ABCD2: variants seen among roughly 807,000 people sequenced by gnomAD.
ABCD2 encodes the protein ATP-binding cassette sub-family D member 2.
Under a neutral mutation model 70.9 loss-of-function variants are expected in ABCD2, and 36 were observed. The observed-to-expected ratio is 0.51, with a 90% CI of 0.39 to 0.67. The LOEUF (loss-of-function observed/expected upper bound fraction) is 0.67, where lower values mean the gene tolerates loss of function less well. Among genes scored for constraint, ABCD2 ranks in the 30% least tolerant of loss-of-function variants. The pLI is 0.00. For synonymous variants in ABCD2, 304 were observed against 306.9 expected (o/e 0.99, Z 0.10); for missense variants, 729 against 890.2 (o/e 0.82, Z 2.30).
chr12:39,549,172 G>C (rs1487312811), downstream of ABCD2, among the ~76,000 whole-genome samples: 1 of 151,880 alleles, frequency 6.6e-6, no homozygotes, highest in African/African-American at 2.4e-5. Context: ...CCTAAGGACT[G>C]GTTTTGTTGG....
chr12:39,608,975 T>C (rs1441448664), intron 2 of ABCD2, among the ~76,000 whole-genome samples: 2 of 152,218 alleles, frequency 1.3e-5, no homozygotes, highest in Non-Finnish European at 2.9e-5. Context: ...TAATATACTT[T>C]CCTTTCTTTC....
At chr12:39,576,031 C>T (rs1303334442) in intron 8 of ABCD2, among the ~76,000 whole-genome samples, 1 of 152,190 alleles carries the variant, frequency 6.6e-6, no homozygotes, top group African/African-American at 2.4e-5. Context: ...CTAAATTTTA[C>T]ATTCCACCAT....
the ABCD2 span, among the ~76,000 whole-genome samples, chr12:39,540,647 C>T: frequency 6.6e-6 from 1 of 152,204 alleles, no homozygotes; most frequent in South Asian, 2.1e-4. Context: ...TATCTAAGGG[C>T]AGCCACTATG....
rs1422887481 is a variant in ABCD2 at position 39,604,033 on chromosome 12, C to T, written c.1406-27G>A. On this transcript the variant is annotated intron_variant, in intron 4 of 9. Transcript: ENST00000308666. ...TGTAATTAAGAAAAAGTGTAAGATA[C>T]AAACATTATCACAGGTTTCTGATTA... 3.5e-6 allele frequency: 5 copies of T among 1,446,780 alleles called. No homozygotes were observed. In the African/African-American group the frequency reaches 4.2e-5, roughly 12 times the overall value. The allele number at this position is 1,446,780 out of a possible 1,614,324, so 89.6% of individuals were successfully genotyped here.
rs755430278 is a variant in ABCD2, at chr12:39,573,853, T to C, written c.1878-12A>G. ...AGGCATATTTTGGTCTTTTAAAAAG[T>C]ACACACAAAAATTAATTATTTTGCT... On this transcript the variant is annotated splice_polypyrimidine_tract_variant and intron_variant, in intron 8 of 9. Coordinates refer to ENST00000308666, the MANE Select transcript of ABCD2 (RefSeq NM_005164.4). The C allele has an allele frequency of 1.9e-6, 3 of 1,605,992 alleles. No homozygotes were observed. Among genetic ancestry groups the C allele is most frequent in the South Asian group, 1.1e-5 (1 of 89,590 alleles).
intron 8 of ABCD2, 136 bp downstream of exon 8, chr12:39,579,399 T>C (rs1941565353): frequency 1.6e-6 from 1 of 631,800 alleles, no homozygotes; most frequent in Non-Finnish European, 2.8e-6. Context: ...GTGAACTCTA[T>C]GCACTAATTT....
Position 39,553,968 on chromosome 12 carries a change from T to G in ABCD2, c.2167A>C (p.Ile723Leu). ...TTCAGCACTGAGTCTTCTCCCAAAA[T>G]TTTACATAGTTCATTGAGTCTCTGC... ...MQQRLNELCK[I>L]LGEDSVLKTI... Residue 723 changes from isoleucine to leucine, a missense_variant, in exon 10 of 10, where the codon ATT becomes CTT. This residue lies in a region of ABCD2 where 289 missense variants were observed against 328.8 expected (regional missense o/e 0.88). Coordinates refer to ENST00000308666, the MANE Select transcript of ABCD2 (RefSeq NM_005164.4). 6.2e-7 allele frequency: 1 copy of G among 1,613,220 alleles called. No individual in the cohort carries two copies. Among genetic ancestry groups the G allele is most frequent in the Non-Finnish European group, 8.5e-7 (1 of 1,179,798 alleles).
chr12:39,562,646 A>G (rs1008386237), intron 9 of ABCD2, among the ~76,000 whole-genome samples: 3 of 152,142 alleles, frequency 2.0e-5, no homozygotes, highest in African/African-American at 7.2e-5. Flanking sequence ...GAAACAGAAA[A>G]TGTCAACAGA....
chr12:39,586,014 A>T (rs75600971), intron 7 of ABCD2, 138 bp downstream of exon 7: 24,485 of 739,372 alleles, frequency 0.033, 527 homozygotes, highest in African/African-American at 0.081. Flanking sequence ...TGGAACAGCA[A>T]TAAAACTCCA....
chr12:39,563,141 A>C (rs552952307), intron 9 of ABCD2, among the ~76,000 whole-genome samples: 6 of 152,312 alleles, frequency 3.9e-5, no homozygotes, highest in Admixed American at 2.0e-4. Context: ...TCAACAAACT[A>C]AGCATAGGAG....
At chr12:39,606,655 A>C (rs1941973390) in intron 3 of ABCD2, among the ~76,000 whole-genome samples, 1 of 152,150 alleles carries the variant, frequency 6.6e-6, no homozygotes. Context: ...AGCCCTTTGT[A>C]ATTCTTTTAT....
At position 39,603,925 on chromosome 12, in the gene ABCD2, C is replaced by G; in HGVS notation, c.1487G>C (p.Arg496Thr). The change falls in exon 5 of 10, where the codon AGG becomes ACG. Residue 496 changes from arginine (R) to threonine (T), a missense_variant. By Grantham distance (71) the Arg-to-Thr change is moderately conservative (BLOSUM62 -1). Around this residue, in one of 3 missense-constraint regions of ABCD2, gnomAD observed 289 missense variants for 328.8 expected, o/e 0.88. Transcript: ENST00000308666. ...ATATCATCTTACTTTGAAGTTTAGC[C>G]TGGAAGCCACCACTTCTCCTGCTGG... ...ITPAGEVVASRLNFKVEEGMH... is the reference protein window; with the variant it reads ...ITPAGEVVASTLNFKVEEGMH... 1.2e-6 allele frequency: 2 copies of G among 1,611,300 alleles called. No homozygotes were observed. The highest frequency in any genetic ancestry group is 1.7e-6 in the Non-Finnish European group (2 of 1,178,102).
At chr12:39,612,300 A>C (rs185195004) in intron 2 of ABCD2, among the ~76,000 whole-genome samples, 1 of 152,314 alleles carries the variant, frequency 6.6e-6, no homozygotes, top group East Asian at 1.9e-4. Context: ...GCTATTACTA[A>C]TACCCAGCAA....
chr12:39,532,482 A>G, the ABCD2 span, among the ~76,000 whole-genome samples: 1 of 152,214 alleles, frequency 6.6e-6, no homozygotes, highest in South Asian at 2.1e-4. Context: ...CTGGGGACAA[A>G]GGAGACAAAT....
downstream of ABCD2, among the ~76,000 whole-genome samples, chr12:39,546,075 A>G (rs985735012): frequency 2.6e-5 from 4 of 152,156 alleles, no homozygotes; most frequent in African/African-American, 9.6e-5. Context: ...TATTCTGGAG[A>G]GGAGGAAAGA....
the ABCD2 span, among the ~76,000 whole-genome samples, chr12:39,539,273 C>T: frequency 6.6e-6 from 1 of 152,214 alleles, no homozygotes; most frequent in Non-Finnish European, 1.5e-5. Context: ...GTTAGTATTT[C>T]TATTCTTCCA....
chr12:39,541,817 A>G, the ABCD2 span, among the ~76,000 whole-genome samples: 1 of 152,054 alleles, frequency 6.6e-6, no homozygotes, highest in African/African-American at 2.4e-5. Flanking sequence ...ATAGTATGAG[A>G]ATGAACAAAC....
intron 9 of ABCD2, among the ~76,000 whole-genome samples, chr12:39,555,755 G>A (rs1941155644): frequency 6.6e-6 from 1 of 152,158 alleles, no homozygotes; most frequent in African/African-American, 2.4e-5. Context: ...GTGCCAGACA[G>A]AAACCTGTTG....
intron 2 of ABCD2, 95 bp downstream of exon 2, chr12:39,616,893 C>G (rs188865124): frequency 8.8e-7 from 1 of 1,142,722 alleles, no homozygotes; most frequent in Admixed American, 2.5e-5. Flanking sequence ...AGAATATGAC[C>G]ATGTACACAG....
Sources: allele counts gnomAD v4.1 joint callset (sites outside exome capture counted in the v4.1 genomes callset), GRCh38; gene constraint gnomAD v4.1.1; regional missense constraint gnomAD v4.1.1; transcripts MANE v1.5; gene names NCBI Gene and HGNC (gene_info 2026-07-23, HGNC 2026-07-21).